GRID2: variants seen among roughly 807,000 people sequenced by gnomAD.
GRID2 encodes glutamate receptor ionotropic, delta-2.
Under a neutral mutation model 114.8 loss-of-function variants are expected in GRID2, and 33 were observed. That is an observed-to-expected ratio of 0.29 (90% CI 0.22 to 0.38). GRID2 has a LOEUF of 0.38. Ranked by LOEUF, GRID2 falls within the 10% of genes least tolerant of loss-of-function variation. The pLI is 1.00. For missense variants in GRID2, 1,184 were observed against 1,257.7 expected (o/e 0.94, Z 0.89); for synonymous variants, 505 against 449.9 (o/e 1.12, Z -1.55).
intron 1 of GRID2, among the ~76,000 whole-genome samples, chr4:92,442,425 G>C (rs1323832534): frequency 6.6e-6 from 1 of 152,048 alleles, no homozygotes; most frequent in Admixed American, 6.5e-5. Context: ...GGCAAGTGTA[G>C]CAAGCTCCTT....
chr4:93,446,480 G>A (rs996310427), intron 10 of GRID2, among the ~76,000 whole-genome samples: 1 of 152,000 alleles, frequency 6.6e-6, no homozygotes, highest in African/African-American at 2.4e-5. Context: ...AATAAACCAA[G>A]AGAAGAAATG....
intron 3 of GRID2, among the ~76,000 whole-genome samples, chr4:93,107,997 A>G (rs964448936): frequency 6.6e-6 from 1 of 152,102 alleles, no homozygotes; most frequent in East Asian, 1.9e-4. Flanking sequence ...ATCCAGCTTC[A>G]TGTCTCACTA....
intron 12 of GRID2, among the ~76,000 whole-genome samples, chr4:93,504,341 G>C (rs1252116487): frequency 6.6e-6 from 1 of 151,922 alleles, no homozygotes; most frequent in Non-Finnish European, 1.5e-5. Context: ...GCCTTGGAGG[G>C]TATATTGAAT....
intron 8 of GRID2, among the ~76,000 whole-genome samples, chr4:93,331,107 C>T (rs1317378907): frequency 1.3e-5 from 2 of 151,624 alleles, no homozygotes; most frequent in Non-Finnish European, 2.9e-5. Flanking sequence ...ACAACAGCCT[C>T]AGTGCCTGCT....
chr4:93,545,110 C>T (rs1733081548), intron 13 of GRID2, among the ~76,000 whole-genome samples: 1 of 152,284 alleles, frequency 6.6e-6, no homozygotes, highest in Admixed American at 6.5e-5. Context: ...GACCCTGAGC[C>T]AGGCCTTGTG....
intron 3 of GRID2, among the ~76,000 whole-genome samples, chr4:93,089,026 C>A (rs531394988): frequency 6.6e-6 from 1 of 152,168 alleles, no homozygotes; most frequent in South Asian, 2.1e-4. Context: ...GTTTACTCCT[C>A]ATAATAGCCC....
intron 13 of GRID2, among the ~76,000 whole-genome samples, chr4:93,583,227 T>G (rs1737163698): frequency 6.6e-6 from 1 of 152,168 alleles, no homozygotes; most frequent in Admixed American, 6.6e-5. Flanking sequence ...GGTCACATTC[T>G]GAGGTTCAAG....
At chr4:93,533,284 TC>T (rs1731668398) in intron 13 of GRID2, among the ~76,000 whole-genome samples, 2 of 140,632 alleles carry the variant, frequency 1.4e-5, no homozygotes, top group Non-Finnish European at 3.1e-5. Context: ...CTTCCTTCCT[TC>T]CTTCCTTCCT....
intron 14 of GRID2, among the ~76,000 whole-genome samples, chr4:93,726,387 G>T (rs1202251910): frequency 6.6e-6 from 1 of 152,120 alleles, no homozygotes; most frequent in Non-Finnish European, 1.5e-5. Flanking sequence ...GGTTACTGTA[G>T]CCTTGTAGTA....
At chr4:92,868,422 T>A (rs959436767) in intron 2 of GRID2, among the ~76,000 whole-genome samples, 10 of 152,180 alleles carry the variant, frequency 6.6e-5, no homozygotes, top group African/African-American at 2.4e-4. Flanking sequence ...ATTTTGGTTA[T>A]TTTGCTCCCA....
intron 9 of GRID2, among the ~76,000 whole-genome samples, chr4:93,416,107 A>G (rs1767677243): frequency 6.6e-6 from 1 of 152,002 alleles, no homozygotes. Context: ...CTCAGATACT[A>G]GTTTTCTTTA....
At chr4:92,733,945 T>C (rs890689848) in intron 2 of GRID2, among the ~76,000 whole-genome samples, 1 of 152,030 alleles carries the variant, frequency 6.6e-6, no homozygotes, top group Non-Finnish European at 1.5e-5. Flanking sequence ...TCAAAATTTC[T>C]CCAACTCTTC....
intron 8 of GRID2, among the ~76,000 whole-genome samples, chr4:93,295,075 C>G (rs532630448): frequency 6.6e-6 from 1 of 152,194 alleles, no homozygotes; most frequent in South Asian, 2.1e-4. Context: ...AGACAGAAAT[C>G]TAAAGATATT....
intron 1 of GRID2, among the ~76,000 whole-genome samples, chr4:92,488,703 G>T (rs562747887): frequency 6.6e-6 from 1 of 152,090 alleles, no homozygotes. Flanking sequence ...GTAAAAGAAC[G>T]TACCTCTTGT....
chr4:93,485,526 A>G (rs1442891442), intron 11 of GRID2, among the ~76,000 whole-genome samples: 2 of 151,686 alleles, frequency 1.3e-5, no homozygotes, highest in Non-Finnish European at 3.0e-5. Flanking sequence ...ATTTATATCT[A>G]TAGGCTGCAT....
At chr4:93,238,265 A>G (rs1747035543) in intron 7 of GRID2, 106 bp from the exon 8 acceptor site, 1 of 737,910 alleles carries the variant, frequency 1.4e-6, no homozygotes, top group South Asian at 2.4e-5. Context: ...CTTACTTTAA[A>G]TATTATTTTA....
chr4:93,541,831 G>T (rs1578221620), intron 13 of GRID2, among the ~76,000 whole-genome samples: 1 of 152,272 alleles, frequency 6.6e-6, no homozygotes, highest in East Asian at 1.9e-4. Context: ...TAATCAGCAA[G>T]TAATGATTAA....
chr4:92,485,329 TATATATATATATATATATA>T lies in GRID2; in HGVS notation c.89-104801_89-104783del, dbSNP rs1452445070. On this transcript the variant is annotated intron_variant, in intron 1 of 15. Coordinates refer to ENST00000282020, the MANE Select transcript of GRID2 (RefSeq NM_001510.4). ...ATATATATATATATATATATATATA[TATATATATATATATATATA>T]GTGTGTGTGTGTGTGTGTGTGAGTG... 1.5e-3 allele frequency among the ~76,000 whole-genome samples: 155 copies of T among 103,070 alleles called. 3 individuals are homozygous for T. Among genetic ancestry groups the T allele is most frequent in the African/African-American group, 4.7e-3 (135 of 28,976 alleles). 67.6% of individuals were successfully genotyped at this position (103,070 alleles called of 152,430 possible).
intron 2 of GRID2, among the ~76,000 whole-genome samples, chr4:93,031,647 C>G (rs1578799637): frequency 6.6e-6 from 1 of 152,068 alleles, no homozygotes; most frequent in Non-Finnish European, 1.5e-5. Flanking sequence ...CACACAAATT[C>G]TCTCTCTTGC....
Sources: gnomAD v4.1 joint callset for allele counts (sites outside exome capture counted in the v4.1 genomes callset) on GRCh38, gnomAD v4.1.1 for gene constraint, MANE v1.5 for transcripts, NCBI Gene and HGNC (gene_info 2026-07-23, HGNC 2026-07-21) for gene names.